Variants in KYAT3 observed in about 807,000 individuals in gnomAD.
KYAT3 encodes the protein kynurenine--oxoglutarate transaminase 3.
A neutral mutation model predicts 59.0 loss-of-function variants in KYAT3; 50 were observed. The observed-to-expected ratio is 0.85, with a 90% CI of 0.68 to 1.07. The LOEUF (loss-of-function observed/expected upper bound fraction) is 1.07, where lower values mean the gene tolerates loss of function less well. Ranked by LOEUF, KYAT3 falls within the 50% of genes least tolerant of loss-of-function variation. KYAT3 has a pLI of 0.00. For synonymous variants in KYAT3, 148 were observed against 177.0 expected (o/e 0.84, Z 1.30); for missense variants, 497 against 533.3 (o/e 0.93, Z 0.67).
chr1:88,946,103 T>C (rs1675431744), intron 11 of KYAT3, among the ~76,000 whole-genome samples: 1 of 152,210 alleles, frequency 6.6e-6, no homozygotes, highest in Non-Finnish European at 1.5e-5. Context: ...AATGTCACAA[T>C]GTGATAAATC....
In KYAT3 at chr1:88,976,368, A is replaced by C. The variant is rs924601330; in HGVS notation, c.100-6901T>G. On this transcript the variant is annotated intron_variant, in intron 2 of 13. Coordinates refer to ENST00000260508, the MANE Select transcript of KYAT3 (RefSeq NM_001008661.3). ...GTAGACTCCATCTCAAAAAAAAAAAACAGTTCCTACTTGCCTAGTGGAGCC... is the reference window on the plus strand; with the variant it reads ...GTAGACTCCATCTCAAAAAAAAAAACCAGTTCCTACTTGCCTAGTGGAGCC... 4.6e-5 allele frequency among the ~76,000 whole-genome samples: 7 copies of C among 152,066 alleles called. No individual in the cohort carries two copies. The East Asian group carries it at 9.7e-4, about 21-fold the overall frequency.
chr1:88,950,504 T>C (rs1675625457), intron 10 of KYAT3, among the ~76,000 whole-genome samples: 2 of 152,080 alleles, frequency 1.3e-5, no homozygotes. Context: ...TATCTTTTTT[T>C]TTTTTTCTCT....
chr1:88,987,368 A>G (rs1677525015), intron 2 of KYAT3, among the ~76,000 whole-genome samples: 1 of 152,218 alleles, frequency 6.6e-6, no homozygotes, highest in East Asian at 1.9e-4. Flanking sequence ...AATTCAAGAC[A>G]GTTATGAGGT....
chr1:88,982,902 G>T, intron 2 of KYAT3: 1 of 1,613,954 alleles, frequency 6.2e-7, no homozygotes, highest in Non-Finnish European at 8.5e-7. Context: ...TCATCATAGC[G>T]ACTGCTTCCA....
At chr1:88,952,436 G>A (rs1347639605) in intron 10 of KYAT3, among the ~76,000 whole-genome samples, 4 of 152,106 alleles carry the variant, frequency 2.6e-5, no homozygotes, top group Non-Finnish European at 5.9e-5. Flanking sequence ...CTCATGAATG[G>A]TTTAGCACCA....
intron 11 of KYAT3, among the ~76,000 whole-genome samples, chr1:88,947,780 C>T (rs1675500149): frequency 1.3e-5 from 2 of 152,274 alleles, no homozygotes; most frequent in South Asian, 2.1e-4. Flanking sequence ...GTAAAAATTG[C>T]TAGCATCAAA....
intron 10 of KYAT3, among the ~76,000 whole-genome samples, chr1:88,951,704 A>C (rs1446110744): frequency 6.6e-6 from 1 of 151,898 alleles, no homozygotes; most frequent in Non-Finnish European, 1.5e-5. Flanking sequence ...TATTCTAGAA[A>C]TCTTTTTTAT....
intron 13 of KYAT3, among the ~76,000 whole-genome samples, chr1:88,939,194 AC>A (rs1675147693): frequency 6.6e-6 from 1 of 152,256 alleles, no homozygotes; most frequent in African/African-American, 2.4e-5. Flanking sequence ...TTTAACAACT[AC>A]TAAGGATCTT....
At chr1:88,938,580 T>G (rs1311628472) in intron 13 of KYAT3, among the ~76,000 whole-genome samples, 1 of 152,096 alleles carries the variant, frequency 6.6e-6, no homozygotes, top group East Asian at 1.9e-4. Context: ...GTTCCCTTCT[T>G]TGTGTTCATG....
chr1:88,928,237 T>C, the KYAT3 span, among the ~76,000 whole-genome samples: 2 of 152,246 alleles, frequency 1.3e-5, no homozygotes, highest in South Asian at 4.1e-4. Flanking sequence ...TCTTAAAGGA[T>C]AAATTTTTCA....
At chr1:88,985,855 T>C (rs1677418837) in intron 2 of KYAT3, among the ~76,000 whole-genome samples, 1 of 152,218 alleles carries the variant, frequency 6.6e-6, no homozygotes, top group East Asian at 1.9e-4. Flanking sequence ...GGGTATGGAC[T>C]AAATGTACAA....
chr1:88,973,978 G>T (rs181944055), intron 2 of KYAT3, among the ~76,000 whole-genome samples: 31 of 152,234 alleles, frequency 2.0e-4, no homozygotes, highest in African/African-American at 7.2e-4. Context: ...TGTAGTATGG[G>T]CTGTGAATCA....
intron 11 of KYAT3, among the ~76,000 whole-genome samples, chr1:88,946,299 C>T (rs1675439190): frequency 6.7e-6 from 1 of 149,038 alleles, no homozygotes; most frequent in Non-Finnish European, 1.5e-5. Flanking sequence ...GAAATATTTG[C>T]TTTCTTTCCC....
intron 13 of KYAT3, 100 bp from the exon 14 acceptor site, chr1:88,936,345 T>C: frequency 1.1e-6 from 1 of 930,494 alleles, no homozygotes; most frequent in Admixed American, 2.3e-5. Flanking sequence ...TAAGTGAATA[T>C]CTGATCTCAA....
the KYAT3 span, among the ~76,000 whole-genome samples, chr1:88,921,321 A>G: frequency 6.6e-6 from 1 of 152,230 alleles, no homozygotes; most frequent in Non-Finnish European, 1.5e-5. Flanking sequence ...CCATAAAGGG[A>G]AGCCCTCCTT....
chr1:88,966,742 A>G (rs1676365596), intron 4 of KYAT3, among the ~76,000 whole-genome samples: 1 of 152,142 alleles, frequency 6.6e-6, no homozygotes, highest in South Asian at 2.1e-4. Context: ...ACACTGATGA[A>G]TAACAATGGT....
At chr1:88,952,819 C>T (rs1675736763) in intron 10 of KYAT3, among the ~76,000 whole-genome samples, 1 of 152,060 alleles carries the variant, frequency 6.6e-6, no homozygotes, top group Non-Finnish European at 1.5e-5. Context: ...TTGTCCTTCA[C>T]AGAATTTGTA....
intron 2 of KYAT3, among the ~76,000 whole-genome samples, chr1:88,971,036 C>A (rs890667101): frequency 3.3e-5 from 5 of 152,156 alleles, no homozygotes; most frequent in Non-Finnish European, 2.9e-5. Context: ...TGATGCCATT[C>A]TAGAGACAAC....
chr1:88,988,410 C>CA, intron 1 of KYAT3, 59 bp from the exon 2 acceptor site: 1 of 909,488 alleles, frequency 1.1e-6, no homozygotes, highest in Admixed American at 2.0e-5. Flanking sequence ...ACATCACTAT[C>CA]AGACACTTAC....
Sources: allele counts gnomAD v4.1 joint callset (sites outside exome capture counted in the v4.1 genomes callset), GRCh38; gene constraint gnomAD v4.1.1; transcripts MANE v1.5; gene names NCBI Gene and HGNC (gene_info 2026-07-23, HGNC 2026-07-21).